Variants in HSD11B1L observed in about 807,000 individuals in gnomAD.
HSD11B1L encodes hydroxysteroid 11-beta dehydrogenase 1 like.
In HSD11B1L, 22 loss-of-function variants were observed where a neutral mutation model predicts 27.0. The ratio of observed to expected loss-of-function variants is 0.81; its 90% confidence interval spans 0.58 to 1.16. HSD11B1L has a LOEUF of 1.16. Ranked by LOEUF, HSD11B1L falls within the 50% of genes most tolerant of loss-of-function variation. HSD11B1L has a pLI of 0.00. For missense variants in HSD11B1L, 372 were observed against 401.8 expected, an observed-to-expected ratio of 0.93 and a Z score of 0.63; for synonymous variants, 187 against 189.2, an observed-to-expected ratio of 0.99 and a Z score of 0.09.
Position 5,686,969 on chromosome 19 carries a change from A to G in HSD11B1L, c.386A>G (p.Gln129Arg). Residue 129 changes from glutamine (Q) to arginine (R), a missense_variant, in exon 5 of 8, where the codon CAG becomes CGG. Physicochemically the swap from Gln to Arg is conservative, Grantham distance 43. Transcript: ENST00000339423. The stretch of plus-strand genomic sequence containing the variant: ...GCCGGCACGCGAGCCCGCAGCCCCC[A>G]GGCAACTCGCTGGCTCATGCAGGTG... ...APAGTRARSP[Q>R]ATRWLMQVNF... The G allele has an allele frequency of 6.5e-7, 1 of 1,550,228 alleles. No individual in the cohort carries two copies. Among genetic ancestry groups the G allele is most frequent in the East Asian group, 2.4e-5 (1 of 41,062 alleles).
intron 1 of HSD11B1L, among the ~76,000 whole-genome samples, chr19:5,683,616 G>T (rs771718804): frequency 6.6e-5 from 10 of 152,190 alleles, no homozygotes; most frequent in Non-Finnish European, 8.8e-5. Flanking sequence ...CTTGGGCTGG[G>T]CACGGTGGTT....
intron 1 of HSD11B1L, among the ~76,000 whole-genome samples, chr19:5,682,558 T>G (rs1051114267): frequency 1.3e-5 from 2 of 151,948 alleles, no homozygotes; most frequent in Non-Finnish European, 2.9e-5. Context: ...GGACAGGGGA[T>G]AGTGGGGCTA....
At chr19:5,686,675 T>C in intron 4 of HSD11B1L, 148 bp downstream of exon 4, 1 of 712,134 alleles carries the variant, frequency 1.4e-6, no homozygotes, top group African/African-American at 1.8e-5. Flanking sequence ...GGGTGGAGTC[T>C]CATTGCGTCT....
Position 5,684,637 on chromosome 19 carries a change from TGCGGTGGTTCATGGAGCC to T in HSD11B1L, c.-14-163_-14-146del, listed in dbSNP as rs145828130. The T allele has an allele frequency of 0.012, 9,795 of 796,884 alleles. 614 individuals carry two copies. In the African/African-American group the frequency reaches 0.14, roughly 12 times the overall value. 49.4% of individuals were successfully genotyped at this position (796,884 alleles called of 1,614,324 possible). On this transcript the variant is annotated intron_variant, in intron 1 of 7. Transcript: ENST00000339423. The stretch of plus-strand genomic sequence containing the variant: ...GAAGGGTGGAGGGGGAGGGTGCAGG[TGCGGTGGTTCATGGAGCC>T]GCGGTGGTTCATGGAGCCACCGTGG...
At position 5,687,309 on chromosome 19, in the gene HSD11B1L, A is replaced by T. The variant is rs752663568; in HGVS notation, c.436A>T (p.Thr146Ser). 1 of 1,612,586 alleles carries T rather than the reference A, an allele frequency of 6.2e-7. No homozygotes were observed. Among genetic ancestry groups the T allele is most frequent in the Non-Finnish European group, 8.5e-7 (1 of 1,179,768 alleles). Residue 146 changes from threonine to serine, a missense_variant, in exon 6 of 8, where the codon ACG becomes TCG. By Grantham distance (58) the Thr-to-Ser change is moderately conservative. Coordinates refer to ENST00000339423, the MANE Select transcript of HSD11B1L (RefSeq NM_198706.3). This position sits in a 1 kb window ranked among gnomAD's most constrained non-coding sequence, Gnocchi z 6.6. ...AAACTTTGTGAGCTACGTGCAACTG[A>T]CGTCGCGGGCGCTGCCCAGCCTGAC... ...QVNFVSYVQL[T>S]SRALPSLTDS...
At chr19:5,681,616 A>ATCCG (rs944436610) in intron 1 of HSD11B1L, among the ~76,000 whole-genome samples, 2 of 149,792 alleles carry the variant, frequency 1.3e-5, no homozygotes, top group Admixed American at 6.6e-5. Flanking sequence ...CCACTCATCT[A>ATCCG]TCCGTCCATC....
At chr19:5,686,630 A>C (rs2054699779) in intron 4 of HSD11B1L, 103 bp downstream of exon 4, 1 of 896,908 alleles carries the variant, frequency 1.1e-6, no homozygotes, top group Non-Finnish European at 1.7e-6. Flanking sequence ...CAGGTGTCTC[A>C]GGGCGGAGAC....
In HSD11B1L at chr19:5,686,971, G is replaced by A. The variant is rs991402061; in HGVS notation, c.388G>A (p.Ala130Thr). 9.7e-6 allele frequency: 15 copies of A among 1,549,668 alleles called. No individual in the cohort carries two copies. In the Admixed American group the frequency reaches 2.7e-4, roughly 28 times the overall value. The change falls in exon 5 of 8, where the codon GCA becomes ACA. Residue 130 changes from alanine (A) to threonine (T), a missense_variant. Coordinates refer to ENST00000339423, the MANE Select transcript of HSD11B1L (RefSeq NM_198706.3). ...CGGCACGCGAGCCCGCAGCCCCCAG[G>A]CAACTCGCTGGCTCATGCAGGTGCT... ...PAGTRARSPQ[A>T]TRWLMQVNFV...
chr19:5,683,972 T>TTTTG (rs954010295), intron 1 of HSD11B1L: 11 of 417,186 alleles, frequency 2.6e-5, no homozygotes, highest in East Asian at 7.2e-5. Context: ...ACTGTTCTTT[T>TTTTG]TTTGTTTGTT....
At chr19:5,682,285 A>T (rs2054575050) in intron 1 of HSD11B1L, among the ~76,000 whole-genome samples, 1 of 152,084 alleles carries the variant, frequency 6.6e-6, no homozygotes, top group African/African-American at 2.4e-5. Context: ...GCAGGGAGAG[A>T]ATGAGTATGG....
In HSD11B1L at chr19:5,684,808, T is replaced by A. The variant is rs765155296; in HGVS notation, c.-14-11T>A. On this transcript the variant is annotated splice_polypyrimidine_tract_variant and intron_variant, in intron 1 of 7. Transcript: ENST00000339423. Reference sequence around the variant, plus strand: ...CTGTGCCGGCCACCTCTGTCCCCTGTCCCTCTGCAGGCCCACACAGGACCA... The same window carrying A: ...CTGTGCCGGCCACCTCTGTCCCCTGACCCTCTGCAGGCCCACACAGGACCA... The A allele has an allele frequency of 9.9e-6, 16 of 1,613,430 alleles. No individual in the cohort carries two copies. The highest frequency in any genetic ancestry group is 1.4e-5 in the Non-Finnish European group (16 of 1,179,922).
chr19:5,684,090 C>T (rs2054624890), intron 1 of HSD11B1L: 2 of 466,300 alleles, frequency 4.3e-6, no homozygotes, highest in South Asian at 4.1e-5. Flanking sequence ...ATTCTCCTGC[C>T]TCAGCCTCCC....
chr19:5,685,262 C>A lies in HSD11B1L; in HGVS notation c.204+143C>A. ...ACCTCTCTGAGCCTCTCAGTTTCCT[C>A]ATTTGCAAAACGGGGACAATAAAAC... is the stretch of plus-strand genomic sequence containing the variant. On this transcript the variant is annotated intron_variant, in intron 3 of 7. Coordinates refer to ENST00000339423, the MANE Select transcript of HSD11B1L (RefSeq NM_198706.3). The surrounding 1 kb of genome is among the most constrained non-coding windows in gnomAD (Gnocchi z 4.3). The A allele has an allele frequency of 8.7e-7, 1 of 1,149,974 alleles. No homozygotes were observed. Among genetic ancestry groups the A allele is most frequent in the Non-Finnish European group, 1.3e-6 (1 of 795,138 alleles). 71.2% of individuals were successfully genotyped at this position (1,149,974 alleles called of 1,614,324 possible). A position where few individuals can be genotyped will look rare whatever the true frequency, so the allele number is the denominator to read the frequency against.
chr19:5,686,937 C>T lies in HSD11B1L; in HGVS notation c.354C>T (p.Gly118=), dbSNP rs747977283. The change falls in exon 5 of 8, where the codon GGC becomes GGT. Residue 118 remains glycine, a synonymous_variant. Coordinates refer to ENST00000339423, the MANE Select transcript of HSD11B1L (RefSeq NM_198706.3). The stretch of plus-strand genomic sequence containing the variant: ...ACCTCGTGCTGAACCACATCGGCGG[C>T]GCCCCGGCCGGCACGCGAGCCCGCA... ...LDYLVLNHIG[G]APAGTRARSP... is the part of the protein sequence containing the mutation. 1.5e-5 allele frequency: 24 copies of T among 1,552,770 alleles called. No individual in the cohort carries two copies. The highest frequency in any genetic ancestry group is 9.7e-5 in the Admixed American group (5 of 51,600).
At chr19:5,683,020 G>C (rs1028527809) in intron 1 of HSD11B1L, among the ~76,000 whole-genome samples, 4 of 151,682 alleles carry the variant, frequency 2.6e-5, no homozygotes, top group South Asian at 2.1e-4. Flanking sequence ...TGCTCCATTG[G>C]CTGGGATCAC....
chr19:5,687,196 C>T lies in HSD11B1L; in HGVS notation c.409-86C>T, dbSNP rs1245908742. ...CGGGTTTCTGGCCCCGTCTCTGACCCGGCCCTGGCCCCGCCCTCTGGGTTT... is the reference window on the plus strand; with the variant it reads ...CGGGTTTCTGGCCCCGTCTCTGACCTGGCCCTGGCCCCGCCCTCTGGGTTT... On this transcript the variant is annotated intron_variant, in intron 5 of 7. Transcript: ENST00000339423. This position sits in a 1 kb window ranked among gnomAD's most constrained non-coding sequence, Gnocchi z 6.6. The T allele has an allele frequency of 1.4e-6, 2 of 1,444,492 alleles. No homozygotes were observed. Among genetic ancestry groups the T allele is most frequent in the South Asian group, 1.2e-5 (1 of 83,310 alleles). 89.5% of individuals were successfully genotyped at this position (1,444,492 alleles called of 1,614,324 possible).
intron 1 of HSD11B1L, chr19:5,683,875 C>G (rs1328416815): frequency 8.6e-6 from 2 of 232,638 alleles, no homozygotes; most frequent in Non-Finnish European, 1.6e-5. Context: ...GCCTGAGCAA[C>G]AGAGTGAGAC....
At chr19:5,684,777 C>T in intron 1 of HSD11B1L, 42 bp from the exon 2 acceptor site, 1 of 1,612,156 alleles carries the variant, frequency 6.2e-7, no homozygotes, top group Non-Finnish European at 8.5e-7. Context: ...TGGCTGTGGG[C>T]CAGGCCTGTG....
chr19:5,681,664 G>GTCCA (rs749666565), intron 1 of HSD11B1L, among the ~76,000 whole-genome samples: 1,766 of 147,852 alleles, frequency 0.012, 38 homozygotes, highest in African/African-American at 0.039. Flanking sequence ...GCATCCGTCC[G>GTCCA]TCCATCCATC....
Sources: gnomAD v4.1 joint callset for allele counts (sites outside exome capture counted in the v4.1 genomes callset) on GRCh38, gnomAD v4.1.1 for gene constraint, Gnocchi (gnomAD v3.1) non-coding constraint, MANE v1.5 for transcripts, NCBI Gene and HGNC (gene_info 2026-07-23, HGNC 2026-07-21) for gene names.